NAALADL2: variants seen among roughly 807,000 people sequenced by gnomAD.
The protein encoded by NAALADL2 is N-acetylated alpha-linked acidic dipeptidase like 2, also known as inactive N-acetylated-alpha-linked acidic dipeptidase-like protein 2.
In NAALADL2, 76 loss-of-function variants were observed where a neutral mutation model predicts 87.2. That is an observed-to-expected ratio of 0.87 (90% confidence interval 0.72 to 1.05). The LOEUF (loss-of-function observed/expected upper bound fraction) is 1.05. NAALADL2 is among the 50% of genes least tolerant of loss of function. NAALADL2 has a pLI of 0.00. For synonymous variants in NAALADL2, 354 were observed against 331.0 expected, an observed-to-expected ratio of 1.07 and a Z score of -0.75; for missense variants, 1,089 against 945.8, an observed-to-expected ratio of 1.15 and a Z score of -1.99.
At chr3:175,413,346 C>A (rs1490854045) in intron 5 of NAALADL2, among the ~76,000 whole-genome samples, 2 of 150,666 alleles carry the variant, frequency 1.3e-5, no homozygotes, top group African/African-American at 2.4e-5. Context: ...CCGAGGAGAG[C>A]GGATCACAAA....
chr3:174,972,312 T>G (rs1743792618), intron 1 of NAALADL2, among the ~76,000 whole-genome samples: 1 of 152,232 alleles, frequency 6.6e-6, no homozygotes, highest in Non-Finnish European at 1.5e-5. Flanking sequence ...AGTTTGCTAA[T>G]GCTGCCATAA....
intron 2 of NAALADL2, chr3:175,124,372 T>C (rs1374225107): frequency 6.6e-6 from 1 of 151,982 alleles, no homozygotes; most frequent in Non-Finnish European, 1.5e-5. Flanking sequence ...CATTGTGACA[T>C]TGCCAGTTTC....
At chr3:175,367,855 C>T (rs1041329821) in intron 5 of NAALADL2, among the ~76,000 whole-genome samples, 1 of 152,180 alleles carries the variant, frequency 6.6e-6, no homozygotes, top group Non-Finnish European at 1.5e-5. Flanking sequence ...ATTTCCTTCT[C>T]CTGCCTGATT....
intron 1 of NAALADL2, among the ~76,000 whole-genome samples, chr3:174,893,327 GTTA>G (rs768198101): frequency 1.2e-4 from 18 of 146,906 alleles, no homozygotes; most frequent in Non-Finnish European, 1.6e-4. Flanking sequence ...CCCGCAAAAA[GTTA>G]TTATTGAGCA....
At chr3:175,163,882 T>C (rs1352168084) in intron 2 of NAALADL2, among the ~76,000 whole-genome samples, 1 of 152,174 alleles carries the variant, frequency 6.6e-6, no homozygotes, top group Non-Finnish European at 1.5e-5. Flanking sequence ...GAGCAAAGAC[T>C]GCTAGTTCTT....
chr3:174,613,815 A>C (rs1720179007), intron 2 of NAALADL2, among the ~76,000 whole-genome samples: 1 of 152,184 alleles, frequency 6.6e-6, no homozygotes, highest in African/African-American at 2.4e-5. Flanking sequence ...GCAAAGTCTC[A>C]TTTACTTACC....
intron 1 of NAALADL2, among the ~76,000 whole-genome samples, chr3:175,062,760 G>A (rs1043576544): frequency 1.3e-5 from 2 of 151,850 alleles, no homozygotes; most frequent in Non-Finnish European, 2.9e-5. Context: ...AATCTGTTTC[G>A]GTTTGTGTAA....
In NAALADL2 at chr3:174,719,123, A is replaced by G. The variant is rs1039679779; in HGVS notation, c.-114-18518A>G. On this transcript the variant is annotated intron_variant, in intron 2 of 3. Transcript: ENST00000434257. ...TTCACCATGCTTCATTTGCTCTAAC[A>G]TCCTGTAATTTATTGAAAATAATTT... Among the ~76,000 whole-genome samples the G allele has an allele frequency of 4.6e-5, 7 of 152,318 alleles. No individual in the cohort carries two copies. The South Asian group carries it at 6.2e-4, about 14-fold the overall frequency.
chr3:175,453,702 C>G (rs774122829), intron 6 of NAALADL2, among the ~76,000 whole-genome samples: 1 of 152,074 alleles, frequency 6.6e-6, no homozygotes, highest in Non-Finnish European at 1.5e-5. Flanking sequence ...TTCAGGGTAT[C>G]ATCAGTGTTC....
At chr3:174,866,385 GA>G (rs1727148760) in intron 1 of NAALADL2, among the ~76,000 whole-genome samples, 1 of 151,300 alleles carries the variant, frequency 6.6e-6, no homozygotes, top group South Asian at 2.1e-4. Flanking sequence ...CATTTCTGCA[GA>G]AAAAATTTCA....
chr3:175,190,702 C>T (rs1382518430), intron 2 of NAALADL2, among the ~76,000 whole-genome samples: 3 of 152,070 alleles, frequency 2.0e-5, no homozygotes, highest in East Asian at 1.9e-4. Flanking sequence ...ATGGGCCGGG[C>T]GCGGTGGCTC....
intron 1 of NAALADL2, among the ~76,000 whole-genome samples, chr3:175,070,150 C>G (rs978574087): frequency 6.7e-6 from 1 of 150,010 alleles, no homozygotes; most frequent in African/African-American, 2.5e-5. Context: ...TACCCTAAAA[C>G]TTAAAGTATA....
intron 11 of NAALADL2, among the ~76,000 whole-genome samples, chr3:175,732,888 C>T (rs60429708): frequency 0.15 from 21,098 of 142,484 alleles, 1,609 homozygotes; most frequent in Middle Eastern, 0.2. Flanking sequence ...GAACAACACA[C>T]GCTGGGGTCT....
intron 9 of NAALADL2, among the ~76,000 whole-genome samples, chr3:175,501,558 A>G (rs1415311801): frequency 1.3e-5 from 2 of 152,008 alleles, no homozygotes; most frequent in Non-Finnish European, 2.9e-5. Flanking sequence ...AAGATTTCCA[A>G]AAAGAGTGGG....
rs78086618 is a variant in NAALADL2, at chr3:175,007,151, A to T, written c.44-89639A>T. 3.1e-3 allele frequency among the ~76,000 whole-genome samples: 225 copies of T among 73,556 alleles called. 1 individual carries two copies. Among genetic ancestry groups the T allele is most frequent in the African/African-American group, 5.1e-3 (41 of 8,004 alleles). 48.3% of individuals were successfully genotyped at this position (73,556 alleles called of 152,430 possible). A position where few individuals can be genotyped will look rare whatever the true frequency, so the allele number is the denominator to read the frequency against. ...GCCTAATTAATTTCTTTTATAGGAT[A>T]AAAAAAAAAAAAAAAAAAAAGCTAC... is the stretch of plus-strand genomic sequence containing the variant. On this transcript the variant is annotated intron_variant, in intron 1 of 13. Coordinates refer to ENST00000454872, the MANE Select transcript of NAALADL2 (RefSeq NM_207015.3).
chr3:174,801,685 A>AG (rs1718848216), intron 3 of NAALADL2, among the ~76,000 whole-genome samples: 1 of 151,942 alleles, frequency 6.6e-6, no homozygotes, highest in Non-Finnish European at 1.5e-5. Flanking sequence ...TGGTATTTTG[A>AG]GCGTTTTTAT....
chr3:175,488,104 A>G (rs537400679), intron 9 of NAALADL2, among the ~76,000 whole-genome samples: 8 of 152,314 alleles, frequency 5.3e-5, no homozygotes, highest in African/African-American at 1.9e-4. Context: ...CTTGTCAGAA[A>G]AAACATTGCC....
chr3:174,687,091 A>G (rs1364608991), intron 2 of NAALADL2, among the ~76,000 whole-genome samples: 1 of 152,056 alleles, frequency 6.6e-6, no homozygotes, highest in Non-Finnish European at 1.5e-5. Flanking sequence ...TGCCTGTACA[A>G]TGGAATAGCT....
intron 2 of NAALADL2, among the ~76,000 whole-genome samples, chr3:174,715,161 A>G (rs1280097094): frequency 6.6e-6 from 1 of 152,174 alleles, no homozygotes; most frequent in Non-Finnish European, 1.5e-5. Flanking sequence ...AAATCTATCC[A>G]AATCCAAATC....
Sources: allele counts gnomAD v4.1 joint callset (sites outside exome capture counted in the v4.1 genomes callset), GRCh38; gene constraint gnomAD v4.1.1; transcripts MANE v1.5; gene names NCBI Gene and HGNC (gene_info 2026-07-23, HGNC 2026-07-21).